Variants in INVS observed in about 807,000 individuals in gnomAD.
INVS encodes the protein inversin, also known as inversion of embryo turning homolog.
Under a neutral mutation model 108.8 loss-of-function variants are expected in INVS, and 86 were observed. That is an observed-to-expected ratio of 0.79 (90% CI 0.66 to 0.95). The LOEUF (loss-of-function observed/expected upper bound fraction) is 0.95. INVS is among the 40% of genes least tolerant of loss of function. INVS has a pLI of 0.00. For synonymous variants in INVS, 455 were observed against 473.5 expected (o/e 0.96, Z 0.51); for missense variants, 1,169 against 1,297.4 (o/e 0.90, Z 1.52).
intron 16 of INVS, among the ~76,000 whole-genome samples, chr9:100,298,788 C>T (rs1833865448): frequency 6.6e-6 from 1 of 151,968 alleles, no homozygotes. Context: ...TGTTGGACAA[C>T]TCATGTAATA....
At chr9:100,171,545 G>T (rs1265821206) in intron 3 of INVS, among the ~76,000 whole-genome samples, 1 of 152,186 alleles carries the variant, frequency 6.6e-6, no homozygotes, top group Admixed American at 6.5e-5. Flanking sequence ...GTGGAGAGAT[G>T]ATATTGGATA....
chr9:100,149,101 T>C (rs539139782), intron 3 of INVS, among the ~76,000 whole-genome samples: 1 of 152,240 alleles, frequency 6.6e-6, no homozygotes, highest in East Asian at 1.9e-4. Context: ...TTGCTTTAGT[T>C]AGTTAAACAT....
Sources: gnomAD v4.1 joint callset for allele counts (sites outside exome capture counted in the v4.1 genomes callset) on GRCh38, gnomAD v4.1.1 for gene constraint, MANE v1.5 for transcripts, NCBI Gene and HGNC (gene_info 2026-07-23, HGNC 2026-07-21) for gene names.